RYR3: variants seen among roughly 807,000 people sequenced by gnomAD.
RYR3 encodes brain ryanodine receptor-calcium release channel.
RYR3 carries 207 observed loss-of-function variants against 584.3 expected under a neutral mutation model. The observed-to-expected ratio is 0.35, with a 90% CI of 0.32 to 0.40. The LOEUF (loss-of-function observed/expected upper bound fraction) is 0.40, where lower values mean the gene tolerates loss of function less well. Ranked by LOEUF, RYR3 falls within the 10% of genes least tolerant of loss-of-function variation. The pLI is 1.00. For synonymous variants in RYR3, 2,416 were observed against 2,248.5 expected (o/e 1.07, Z -2.11); for missense variants, 5,616 against 6,089.2 (o/e 0.92, Z 2.59).
At chr15:33,864,587 GGT>G (rs1889794394) in intron 103 of RYR3, among the ~76,000 whole-genome samples, 1 of 151,366 alleles carries the variant, frequency 6.6e-6, no homozygotes, top group African/African-American at 2.4e-5. Flanking sequence ...GGAGCCTGGA[GGT>G]GTGCATGTGA....
intron 38 of RYR3, among the ~76,000 whole-genome samples, chr15:33,683,664 C>G (rs775619097): frequency 3.3e-5 from 5 of 152,204 alleles, no homozygotes; most frequent in Non-Finnish European, 5.9e-5. Context: ...GGAGGGTGAG[C>G]CAAAGCAGGG....
chr15:33,446,811 A>G (rs2046706345), intron 1 of RYR3, among the ~76,000 whole-genome samples: 1 of 152,214 alleles, frequency 6.6e-6, no homozygotes, highest in Non-Finnish European at 1.5e-5. Context: ...CAGAAACTTA[A>G]CAGCTTCCTT....
intron 18 of RYR3, among the ~76,000 whole-genome samples, chr15:33,609,327 G>A (rs2060056358): frequency 1.3e-5 from 2 of 152,300 alleles, no homozygotes; most frequent in South Asian, 2.1e-4. Context: ...CCAGCACTTC[G>A]GGAGGCCGAG....
At chr15:33,747,081 AATT>A (rs2070800112) in intron 53 of RYR3, among the ~76,000 whole-genome samples, 1 of 152,018 alleles carries the variant, frequency 6.6e-6, no homozygotes, top group African/African-American at 2.4e-5. Flanking sequence ...AAAGCACTGG[AATT>A]ACAGGTGTGA....
rs189950794 is a variant in RYR3 at position 33,696,181 on chromosome 15, A to G, written c.5861-37A>G. ...AACACCCAGCTCTCCCTGAGCCATG[A>G]CAGCCACAGTCCTGCTCCCTCCTGT... is the stretch of plus-strand genomic sequence containing the variant. On this transcript the variant is annotated intron_variant, in intron 38 of 103. Coordinates refer to ENST00000634891, the MANE Select transcript of RYR3 (RefSeq NM_001036.6). 14 of 1,584,214 alleles carry G rather than the reference A, an allele frequency of 8.8e-6. No homozygotes were observed. The South Asian group carries it at 1.1e-4, about 13-fold the overall frequency.
intron 18 of RYR3, among the ~76,000 whole-genome samples, chr15:33,611,594 A>C (rs2060190617): frequency 6.6e-6 from 1 of 151,952 alleles, no homozygotes; most frequent in Non-Finnish European, 1.5e-5. Context: ...CATAAAATAT[A>C]TATAACTCCA....
intron 49 of RYR3, 70 bp downstream of exon 49, chr15:33,736,395 T>A: frequency 1.9e-6 from 2 of 1,036,518 alleles, no homozygotes; most frequent in African/African-American, 1.6e-5. Flanking sequence ...ATGTGATGTC[T>A]TCACAATTTA....
chr15:33,336,440 AAGAGAGAGAGAGAGAGAGAGAGAG>A (rs1204873404), intron 1 of RYR3, among the ~76,000 whole-genome samples: 1 of 12,150 alleles, frequency 8.2e-5, no homozygotes, highest in East Asian at 1.7e-3. Context: ...GAAAGAAAGA[AAGAGAGAGAGAGAGAGAGAGAGAG>A]AGAGAGAGAG....
intron 1 of RYR3, among the ~76,000 whole-genome samples, chr15:33,396,905 C>G (rs576545831): frequency 1.3e-5 from 2 of 152,272 alleles, no homozygotes; most frequent in South Asian, 4.1e-4. Context: ...AAGAGTAATG[C>G]TTACATGACC....
At chr15:33,768,791 A>G in intron 61 of RYR3, 84 bp downstream of exon 61, 1 of 1,348,092 alleles carries the variant, frequency 7.4e-7, no homozygotes, top group African/African-American at 1.4e-5. Context: ...TCTTCCTCAG[A>G]CAACCCGGGC....
rs530397116 is a variant in RYR3 at position 33,693,134 on chromosome 15, A to G, written c.5861-3084A>G. ...TAGAGGAAATTGTACTGACGGGACT[A>G]GAAAAACTTAAATTGGGTCCAAGAG... On this transcript the variant is annotated intron_variant, in intron 38 of 103. Coordinates refer to ENST00000634891, the MANE Select transcript of RYR3 (RefSeq NM_001036.6). 2.3e-4 allele frequency among the ~76,000 whole-genome samples: 35 copies of G among 152,378 alleles called. No individual in the cohort carries two copies. The South Asian group carries it at 6.8e-3, about 30-fold the overall frequency.
chr15:33,713,278 A>G (rs1041466672), intron 43 of RYR3, among the ~76,000 whole-genome samples: 2 of 151,660 alleles, frequency 1.3e-5, no homozygotes, highest in African/African-American at 4.8e-5. Context: ...GGTAGTGGGA[A>G]TTGTGATAGT....
intron 103 of RYR3, among the ~76,000 whole-genome samples, chr15:33,864,413 G>C (rs1355778519): frequency 6.6e-6 from 1 of 151,198 alleles, no homozygotes; most frequent in African/African-American, 2.4e-5. Flanking sequence ...CTTCAGACTA[G>C]AAGAGCTGGA....
At chr15:33,487,338 G>T (rs142320002) in intron 2 of RYR3, among the ~76,000 whole-genome samples, 1 of 152,184 alleles carries the variant, frequency 6.6e-6, no homozygotes, top group Non-Finnish European at 1.5e-5. Context: ...TACAGAAGAG[G>T]AAAAATGATA....
At position 33,662,497 on chromosome 15, in the gene RYR3, G is replaced by A. The variant is rs552358143; in HGVS notation, c.4967G>A (p.Gly1656Asp). 1.1e-5 allele frequency: 17 copies of A among 1,613,910 alleles called. No homozygotes were observed. Among genetic ancestry groups the A allele is most frequent in the Non-Finnish European group, 1.4e-5 (16 of 1,179,914 alleles). ...AAGAGGCATGGACTGCCTGGGGTGG[G>A]CCTGAGAACATGTCTCAAGCCCGGG... ...ESKRHGLPGV[G>D]LRTCLKPGFR... is the part of the protein sequence containing the mutation. The change falls in exon 35 of 104, where the codon GGC becomes GAC. Residue 1656 changes from glycine to aspartate, a missense_variant. By Grantham distance (94) the Gly-to-Asp change is moderately conservative. Coordinates refer to ENST00000634891, the MANE Select transcript of RYR3 (RefSeq NM_001036.6).
chr15:33,347,346 A>C (rs542541133), intron 1 of RYR3, among the ~76,000 whole-genome samples: 1 of 152,290 alleles, frequency 6.6e-6, no homozygotes, highest in East Asian at 1.9e-4. Context: ...TTATATCATG[A>C]ATGTAAATAA....
Position 33,504,711 on chromosome 15 carries a change from C to T in RYR3, c.279+973C>T, listed in dbSNP as rs965674178. On this transcript the variant is annotated intron_variant, in intron 3 of 103. Coordinates refer to ENST00000634891, the MANE Select transcript of RYR3 (RefSeq NM_001036.6). ...TTAGGAGTTGGTGAGCCCTGTTCAC[C>T]TTTCCTGCCCCATCTCTCACCACAT... 2.6e-5 allele frequency among the ~76,000 whole-genome samples: 4 copies of T among 152,146 alleles called. No individual in the cohort carries two copies. In the East Asian group the frequency reaches 7.7e-4, roughly 29 times the overall value.
In RYR3 at chr15:33,368,785, T is replaced by C. The variant is rs143555982; in HGVS notation, c.51+57689T>C. 2.6e-3 allele frequency among the ~76,000 whole-genome samples: 391 copies of C among 152,198 alleles called. 1 individual carries two copies. Among genetic ancestry groups the C allele is most frequent in the African/African-American group, 8.6e-3 (357 of 41,530 alleles). On this transcript the variant is annotated intron_variant, in intron 1 of 103. Transcript: ENST00000634891. ...AGGGAGGGTGATGGAGAAGGCCTCT[T>C]TCATCAGGTGGGCTCTAGTGTCTCG...
chr15:33,409,171 A>G (rs183958680), intron 1 of RYR3, among the ~76,000 whole-genome samples: 2 of 152,240 alleles, frequency 1.3e-5, no homozygotes, highest in East Asian at 1.9e-4. Flanking sequence ...GGTAATTACA[A>G]CCTATGTACT....
Sources: gnomAD v4.1 joint callset for allele counts (sites outside exome capture counted in the v4.1 genomes callset) on GRCh38, gnomAD v4.1.1 for gene constraint, MANE v1.5 for transcripts, NCBI Gene and HGNC (gene_info 2026-07-23, HGNC 2026-07-21) for gene names.